Variants in SPTBN5 observed in about 807,000 individuals in gnomAD.
The protein encoded by SPTBN5 is spectrin beta, non-erythrocytic 5.
SPTBN5 carries 513 observed loss-of-function variants against 477.6 expected under a neutral mutation model. That is an observed-to-expected ratio of 1.07 (90% confidence interval 1.00 to 1.16). The LOEUF (loss-of-function observed/expected upper bound fraction) is 1.16. Ranked by LOEUF, SPTBN5 falls within the 50% of genes most tolerant of loss-of-function variation. The pLI, the probability that SPTBN5 is intolerant of heterozygous loss-of-function variation, is 0.00. For missense variants in SPTBN5, 5,062 were observed against 4,731.8 expected, an observed-to-expected ratio of 1.07 and a Z score of -2.05; for synonymous variants, 2,169 against 2,011.7, an observed-to-expected ratio of 1.08 and a Z score of -2.09.
chr15:41,853,825 A>C, intron 57 of SPTBN5, 38 bp from the exon 58 acceptor site: 1 of 1,513,466 alleles, frequency 6.6e-7, no homozygotes, highest in Non-Finnish European at 8.9e-7. Flanking sequence ...CAGTCCCCCC[A>C]CTGAGCCGAT....
At position 41,870,528 on chromosome 15, in the gene SPTBN5, T is replaced by TC; in HGVS notation, c.5479_5480insG (p.Gln1827ArgfsTer128). The TC allele has an allele frequency of 6.2e-7, 1 of 1,611,408 alleles. No homozygotes were observed. Among genetic ancestry groups the TC allele is most frequent in the African/African-American group, 1.3e-5 (1 of 74,986 alleles). Reference sequence around the variant, plus strand: ...GTCTCGGAGCGCGTGGCCTCGGGCCTGGGTCAGCTCCCACAGCTCCGACCA... The same window carrying TC: ...GTCTCGGAGCGCGTGGCCTCGGGCCTCGGGTCAGCTCCCACAGCTCCGACCA... On this transcript the variant is annotated frameshift_variant, in exon 30 of 68. Transcript: ENST00000320955. LOFTEE classifies it high-confidence loss of function.
rs751895220 is a variant in SPTBN5, at chr15:41,848,602, C to G, written c.*14G>C. 7 of 1,613,938 alleles carry G rather than the reference C, an allele frequency of 4.3e-6. No homozygotes were observed. The highest frequency in any genetic ancestry group is 5.9e-6 in the Non-Finnish European group (7 of 1,179,826). On this transcript the variant is annotated 3_prime_UTR_variant, in exon 68 of 68. Transcript: ENST00000320955. ...CTTGTGCCCCTGAAGTTTGGTGTTG[C>G]ACTGGGGTTCACCTCAGGGATCAGA...
chr15:41,885,656 G>C, intron 7 of SPTBN5, 79 bp downstream of exon 7: 1 of 1,468,974 alleles, frequency 6.8e-7, no homozygotes, highest in Admixed American at 2.1e-5. Flanking sequence ...GCAAAGAATG[G>C]GCACATGACA....
Position 41,872,288 on chromosome 15 carries a change from T to C in SPTBN5, c.5165+14A>G, listed in dbSNP as rs770372672. 5.0e-6 allele frequency: 8 copies of C among 1,608,472 alleles called. No individual in the cohort carries two copies. The African/African-American group carries it at 8.0e-5, about 16-fold the overall frequency. ...TCCTGTACCCACTGATGAGAGGGGT[T>C]ATGGTGTCCTCACCGTGTGGCCGCC... On this transcript the variant is annotated intron_variant, in intron 27 of 67. Coordinates refer to ENST00000320955, the MANE Select transcript of SPTBN5 (RefSeq NM_016642.4).
At chr15:41,863,603 A>G in intron 41 of SPTBN5, 101 bp downstream of exon 41, 1 of 884,980 alleles carries the variant, frequency 1.1e-6, no homozygotes, top group South Asian at 1.5e-5. Context: ...TGAACAGGAG[A>G]GGCCAGTGAG....
chr15:41,851,581 T>TGGCCG (rs138547502), intron 63 of SPTBN5, among the ~76,000 whole-genome samples, 198 bp downstream of exon 63: 1 of 119,992 alleles, frequency 8.3e-6, no homozygotes, highest in Non-Finnish European at 1.7e-5. Context: ...CAGCACCTCC[T>TGGCCG]GGTGGGGGTG....
At chr15:41,875,084 G>T in intron 22 of SPTBN5, 28 bp from the exon 23 acceptor site, 1 of 1,584,372 alleles carries the variant, frequency 6.3e-7, no homozygotes, top group Non-Finnish European at 8.6e-7. Flanking sequence ...AGCTGCATTA[G>T]GTTCTCTGTG....
In SPTBN5 at chr15:41,860,674, C is replaced by T. The variant is rs2066075061; in HGVS notation, c.7900G>A (p.Ala2634Thr). ...DLEVQAGKISALEATARGLHQ... is the reference protein window; with the variant it reads ...DLEVQAGKISTLEATARGLHQ... ...AGGCCGCGGGCCGTGGCCTCCAGAG[C>T]ACTGATCTTTCCCGCCTGCACCTCC... Residue 2634 changes from alanine (A) to threonine (T), a missense_variant, in exon 47 of 68, where the codon GCT (alanine) becomes ACT (threonine). Physicochemically the swap from Ala to Thr is moderately conservative, Grantham distance 58 (BLOSUM62 0). Transcript: ENST00000320955. 1.3e-6 allele frequency: 2 copies of T among 1,583,494 alleles called. No individual in the cohort carries two copies. Among genetic ancestry groups the T allele is most frequent in the East Asian group, 2.3e-5 (1 of 43,296 alleles).
At position 41,855,401 on chromosome 15, in the gene SPTBN5, T is replaced by A. The variant is rs775871089; in HGVS notation, c.9246A>T (p.Ala3082=). 8 of 1,604,080 alleles carry A rather than the reference T, an allele frequency of 5.0e-6. No individual in the cohort carries two copies. In the South Asian group the frequency reaches 8.8e-5, roughly 18 times the overall value. ...ESPKVLAQLQ[A]VREAHAELLR... ...GCAGCTCTGCGTGGGCCTCCCGAAC[T>A]GCCTGCAGCTGGGCTAGCACCTTGG... The change falls in exon 55 of 68, where the codon GCA becomes GCT. Residue 3082 remains alanine, a synonymous_variant. Coordinates refer to ENST00000320955, the MANE Select transcript of SPTBN5 (RefSeq NM_016642.4).
chr15:41,852,105 C>T, intron 62 of SPTBN5, 77 bp downstream of exon 62: 7 of 1,490,130 alleles, frequency 4.7e-6, no homozygotes, highest in African/African-American at 1.4e-5. Context: ...TGGGCCCTCA[C>T]CCCCACAGCC....
Position 41,852,210 on chromosome 15 carries a change from G to A in SPTBN5, c.10556C>T (p.Ala3519Val), listed in dbSNP as rs1333778298. ...WRPSGHQGLG[A>V]QLAETRDPQD... ...GGGGTCCCTCGTCTCAGCCAGCTGT[G>A]CTCCTAGCCCCTGGTGTCCAGAGGG... The change falls in exon 62 of 68, where the codon GCA becomes GTA. Residue 3519 changes from alanine (A) to valine (V), a missense_variant. Physicochemically the swap from Ala to Val is moderately conservative, Grantham distance 64. Coordinates refer to ENST00000320955, the MANE Select transcript of SPTBN5 (RefSeq NM_016642.4). 2 of 1,604,562 alleles carry A rather than the reference G, an allele frequency of 1.2e-6. No homozygotes were observed. Among genetic ancestry groups the A allele is most frequent in the South Asian group, 2.2e-5 (2 of 90,648 alleles).
rs376373697 is a variant in SPTBN5 at position 41,861,856 on chromosome 15, G to A, written c.7616C>T (p.Ala2539Val). The change falls in exon 45 of 68, where the codon GCG (alanine) becomes GTG (valine). Residue 2539 changes from alanine (A) to valine (V), a missense_variant. Coordinates refer to ENST00000320955, the MANE Select transcript of SPTBN5 (RefSeq NM_016642.4). Reference protein sequence around the residue: ...ARSTGQQLLTAGHPFSSDIRQ... With the variant: ...ARSTGQQLLTVGHPFSSDIRQ... ...AATGTCGGAGCTGAAGGGGTGCCCC[G>A]CTGTGAGCAGTTGCTGCCCAGTGCT... is the stretch of plus-strand genomic sequence containing the variant. The A allele has an allele frequency of 2.0e-4, 316 of 1,607,884 alleles. No homozygotes were observed. The Admixed American group carries it at 2.8e-3, about 14-fold the overall frequency.
At chr15:41,872,730 G>A (rs2066588861) in intron 26 of SPTBN5, among the ~76,000 whole-genome samples, 1 of 152,228 alleles carries the variant, frequency 6.6e-6, no homozygotes, top group South Asian at 2.1e-4. Context: ...GCTAATCTGG[G>A]CCAAGGAAGG....
intron 4 of SPTBN5, among the ~76,000 whole-genome samples, chr15:41,889,090 T>A (rs1462914841): frequency 6.6e-6 from 1 of 152,228 alleles, no homozygotes; most frequent in Non-Finnish European, 1.5e-5. Context: ...GCCCACCTGC[T>A]GCTCCCAAGG....
At position 41,892,946 on chromosome 15, in the gene SPTBN5, C is replaced by A; in HGVS notation, c.332G>T (p.Arg111Leu). The stretch of plus-strand genomic sequence containing the variant: ...GCTGCTGTTCTCCAGGAAGTGCACA[C>A]GCAGGCGGCCCCGGCTCGGGGGTGG... The part of the protein sequence containing the change: ...ALPPPSRGRL[R>L]VHFLENSSRA... Residue 111 changes from arginine to leucine, a missense_variant, in exon 3 of 68, where the codon CGT becomes CTT. Physicochemically the swap from Arg to Leu is moderately radical, Grantham distance 102 (BLOSUM62 -2). Transcript: ENST00000320955. The A allele has an allele frequency of 6.2e-7, 1 of 1,608,554 alleles. No individual in the cohort carries two copies. Among genetic ancestry groups the A allele is most frequent in the Non-Finnish European group, 8.5e-7 (1 of 1,179,718 alleles).
chr15:41,877,749 A>T (rs547865505), intron 17 of SPTBN5, among the ~76,000 whole-genome samples: 3 of 152,242 alleles, frequency 2.0e-5, no homozygotes, highest in Admixed American at 6.5e-5. Context: ...GCAAGGCTCC[A>T]CTTCCTCTGA....
chr15:41,853,023 G>C, intron 59 of SPTBN5, 23 bp from the exon 60 acceptor site: 1 of 1,493,486 alleles, frequency 6.7e-7, no homozygotes, highest in Non-Finnish European at 8.9e-7. Context: ...GGCTGCTATG[G>C]GTGACAGCTT....
intron 12 of SPTBN5, 121 bp downstream of exon 12, chr15:41,881,815 C>T: frequency 2.1e-6 from 2 of 955,286 alleles, no homozygotes; most frequent in South Asian, 3.6e-5. Flanking sequence ...CACCTACACC[C>T]ACGGGAAGGC....
Position 41,861,834 on chromosome 15 carries a change from G to T in SPTBN5, c.7638C>A (p.Asp2546Glu). 1.9e-6 allele frequency: 3 copies of T among 1,605,372 alleles called. No individual in the cohort carries two copies. Among genetic ancestry groups the T allele is most frequent in the African/African-American group, 2.7e-5 (2 of 74,998 alleles). ...CTAAGCCAGCCAGCACCTGGCGAATGTCGGAGCTGAAGGGGTGCCCCGCTG... is the reference window on the plus strand; with the variant it reads ...CTAAGCCAGCCAGCACCTGGCGAATTTCGGAGCTGAAGGGGTGCCCCGCTG... Reference protein sequence around the residue: ...LLTAGHPFSSDIRQVLAGLEQ... With the variant: ...LLTAGHPFSSEIRQVLAGLEQ... Residue 2546 changes from aspartate to glutamate, a missense_variant, in exon 45 of 68, where the codon GAC (aspartate) becomes GAA (glutamate). By Grantham distance (45) the Asp-to-Glu change is conservative. Coordinates refer to ENST00000320955, the MANE Select transcript of SPTBN5 (RefSeq NM_016642.4).
Sources: gnomAD v4.1 joint callset for allele counts (sites outside exome capture counted in the v4.1 genomes callset) on GRCh38, gnomAD v4.1.1 for gene constraint, MANE v1.5 for transcripts, NCBI Gene and HGNC (gene_info 2026-07-23, HGNC 2026-07-21) for gene names.